MIS18BP1: variants seen among roughly 807,000 people sequenced by gnomAD.
The protein encoded by MIS18BP1 is mis18-binding protein 1.
Under a neutral mutation model 116.1 loss-of-function variants are expected in MIS18BP1, and 72 were observed. The ratio of observed to expected loss-of-function variants is 0.62; its 90% CI spans 0.51 to 0.75. MIS18BP1 has a LOEUF of 0.75. Ranked by LOEUF, MIS18BP1 falls within the 30% of genes least tolerant of loss-of-function variation. MIS18BP1 has a pLI of 0.00. For synonymous variants in MIS18BP1, 386 were observed against 427.0 expected (o/e 0.90, Z 1.18); for missense variants, 1,363 against 1,303.2 (o/e 1.05, Z -0.71).
In MIS18BP1 at chr14:45,247,292, C is replaced by G. The variant is rs1440971954; in HGVS notation, c.-6G>C. 6.5e-7 allele frequency: 1 copy of G among 1,527,484 alleles called. No homozygotes were observed. Among genetic ancestry groups the G allele is most frequent in the Non-Finnish European group, 8.7e-7 (1 of 1,143,698 alleles). The allele number at this position is 1,527,484 out of a possible 1,614,324, so 94.6% of individuals were successfully genotyped here. On this transcript the variant is annotated 5_prime_UTR_variant, in exon 2 of 17. Coordinates refer to ENST00000310806, the MANE Select transcript of MIS18BP1 (RefSeq NM_018353.5). The stretch of plus-strand genomic sequence containing the variant: ...TTCAAAGGTGTTGCAATCATCTTGA[C>G]AAGAAAGTAGCAACCAAGTTCTTCT...
rs752411760 is a variant in MIS18BP1 at position 45,224,697 on chromosome 14, T to A, written c.1890A>T (p.Glu630Asp). 5.0e-6 allele frequency: 8 copies of A among 1,609,164 alleles called. No homozygotes were observed. In the East Asian group the frequency reaches 1.8e-4, roughly 36 times the overall value. Residue 630 changes from glutamate to aspartate, a missense_variant, in exon 11 of 17, where the codon GAA becomes GAT. Physicochemically the swap from Glu to Asp is conservative, Grantham distance 45. Coordinates refer to ENST00000310806, the MANE Select transcript of MIS18BP1 (RefSeq NM_018353.5). The part of the protein sequence containing the change: ...DVSIDILTSR[E>D]QFFSDEERKY... ...TTCTTTCTTCATCTGAGAAAAACTG[T>A]TCCCTTGAGGTTAGAATATCAATGG... is the stretch of plus-strand genomic sequence containing the variant.
intron 13 of MIS18BP1, among the ~76,000 whole-genome samples, chr14:45,210,925 C>T (rs554602687): frequency 6.6e-6 from 1 of 152,290 alleles, no homozygotes; most frequent in Non-Finnish European, 1.5e-5. Flanking sequence ...TGAGGCCACC[C>T]AAGAGATGGC....
intron 13 of MIS18BP1, among the ~76,000 whole-genome samples, chr14:45,216,400 A>C (rs572346756): frequency 6.6e-6 from 1 of 152,282 alleles, no homozygotes; most frequent in Middle Eastern, 3.4e-3. Context: ...CATAAATATA[A>C]TTTACTTTAC....
At chr14:45,210,251 A>G in intron 14 of MIS18BP1, 129 bp downstream of exon 14, 3 of 961,488 alleles carry the variant, frequency 3.1e-6, no homozygotes, top group East Asian at 2.7e-5. Flanking sequence ...ACTTCTAGAA[A>G]CTACACATTC....
At chr14:45,230,786 AT>A (rs1891251960) in intron 8 of MIS18BP1, among the ~76,000 whole-genome samples, 1 of 151,972 alleles carries the variant, frequency 6.6e-6, no homozygotes. Context: ...TGTGTGGCTA[AT>A]TTTTTTGACT....
intron 10 of MIS18BP1, 92 bp downstream of exon 10, chr14:45,226,651 G>A (rs1172722891): frequency 2.9e-6 from 3 of 1,034,756 alleles, no homozygotes; most frequent in African/African-American, 3.4e-5. Context: ...CATTTTACAT[G>A]AGGAAATTTA....
Position 45,231,195 on chromosome 14 carries a change from T to G in MIS18BP1, c.1540A>C (p.Thr514Pro), listed in dbSNP as rs1287508009. The G allele has an allele frequency of 6.2e-7, 1 of 1,613,990 alleles. No individual in the cohort carries two copies. Reference protein sequence around the residue: ...SMKNDARENQTDTAQRATTTY... With the variant: ...SMKNDARENQPDTAQRATTTY... Reference sequence around the variant, plus strand: ...GTGGTGGCTCTTTGAGCAGTATCTGTTTGGTTTTCTCGTGCATCATTTTTC... The same window carrying G: ...GTGGTGGCTCTTTGAGCAGTATCTGGTTGGTTTTCTCGTGCATCATTTTTC... Residue 514 changes from threonine (T) to proline (P), a missense_variant, in exon 8 of 17, where the codon ACA (threonine) becomes CCA (proline). Physicochemically the swap from Thr to Pro is conservative, Grantham distance 38. Transcript: ENST00000310806.
intron 2 of MIS18BP1, among the ~76,000 whole-genome samples, chr14:45,246,389 C>A (rs936086217): frequency 2.0e-5 from 3 of 152,162 alleles, no homozygotes; most frequent in African/African-American, 7.2e-5. Flanking sequence ...TCATCCTTCC[C>A]CATTCCTCAA....
chr14:45,243,758 T>A (rs568052716), intron 2 of MIS18BP1, among the ~76,000 whole-genome samples: 1 of 152,144 alleles, frequency 6.6e-6, no homozygotes, highest in Non-Finnish European at 1.5e-5. Context: ...AATTCAGTAG[T>A]AATTCAATCA....
chr14:45,227,791 C>T lies in MIS18BP1; in HGVS notation c.1618G>A (p.Glu540Lys). 1 of 1,614,030 alleles carries T rather than the reference C, an allele frequency of 6.2e-7. No homozygotes were observed. The highest frequency in any genetic ancestry group is 8.5e-7 in the Non-Finnish European group (1 of 1,179,946). Residue 540 changes from glutamate (E) to lysine (K), a missense_variant, in exon 9 of 17, where the codon GAG (glutamate) becomes AAG (lysine). Coordinates refer to ENST00000310806, the MANE Select transcript of MIS18BP1 (RefSeq NM_018353.5). ...TTTAATTCTGTAGCTCCTGGTGACT[C>T]ACTGTGCTTATTACTCTTCAGTTCT... Reference protein sequence around the residue: ...NLELKSNKHSESPGATELNMC... With the variant: ...NLELKSNKHSKSPGATELNMC...
chr14:45,232,710 A>G (rs1891322562), intron 7 of MIS18BP1, 23 bp downstream of exon 7: 1 of 1,278,002 alleles, frequency 7.8e-7, no homozygotes, highest in Non-Finnish European at 1.1e-6. Context: ...GTTGACTTCT[A>G]AAAACATAAA....
At chr14:45,208,905 C>G (rs910005563) in intron 14 of MIS18BP1, among the ~76,000 whole-genome samples, 1 of 152,130 alleles carries the variant, frequency 6.6e-6, no homozygotes, top group East Asian at 1.9e-4. Flanking sequence ...CAGCAATGGC[C>G]TCTTACTTGC....
chr14:45,222,299 A>C (rs939495215), intron 11 of MIS18BP1, among the ~76,000 whole-genome samples: 14 of 151,726 alleles, frequency 9.2e-5, no homozygotes, highest in African/African-American at 3.4e-4. Context: ...AAAATCCTCC[A>C]CTTCTCTTCT....
chr14:45,241,952 TAATG>T, intron 4 of MIS18BP1, 78 bp downstream of exon 4: 1 of 1,423,916 alleles, frequency 7.0e-7, no homozygotes, highest in Non-Finnish European at 9.5e-7. Flanking sequence ...AGAAAAAAAA[TAATG>T]AGAGAACATT....
intron 8 of MIS18BP1, among the ~76,000 whole-genome samples, chr14:45,229,092 C>G (rs1217715920): frequency 6.7e-6 from 1 of 148,994 alleles, no homozygotes; most frequent in African/African-American, 2.5e-5. Flanking sequence ...GCAATCATAA[C>G]AGAATATATT....
chr14:45,247,068 ATT>A lies in MIS18BP1; in HGVS notation c.217_218del (p.Asn73TyrfsTer14), dbSNP rs1487870017. The A allele has an allele frequency of 1.6e-5, 25 of 1,612,836 alleles. No homozygotes were observed. Among genetic ancestry groups the A allele is most frequent in the Non-Finnish European group, 2.1e-5 (25 of 1,179,646 alleles). On this transcript the variant is annotated frameshift_variant, in exon 2 of 17. Coordinates refer to ENST00000310806, the MANE Select transcript of MIS18BP1 (RefSeq NM_018353.5). LOFTEE classifies it high-confidence loss of function. ...CTGTTAGCATAGTTGATTGAAATAT[ATT>A]TTTATTGTTAAAAGTTGTCATTTTT... ...FLKMTTFNNK[N>X]IFQSTMLTEA...
At chr14:45,234,534 C>T (rs184963998) in intron 6 of MIS18BP1, among the ~76,000 whole-genome samples, 1 of 152,272 alleles carries the variant, frequency 6.6e-6, no homozygotes, top group East Asian at 1.9e-4. Flanking sequence ...GATTGTTCCT[C>T]TTGCTCAGGT....
rs143037529 is a variant in MIS18BP1 at position 45,233,895 on chromosome 14, T to C, written c.1349-1075A>G. ...GGGTACTAAGGGGAGAGGTCTTGGT[T>C]TGAGATATAAAATTGGCATTCATCA... On this transcript the variant is annotated intron_variant, in intron 6 of 16. Coordinates refer to ENST00000310806, the MANE Select transcript of MIS18BP1 (RefSeq NM_018353.5). Among the ~76,000 whole-genome samples, 434 of 152,194 alleles carry C rather than the reference T, an allele frequency of 2.9e-3. 2 individuals carry two copies. The highest frequency in any genetic ancestry group is 3.8e-3 in the Non-Finnish European group (256 of 67,978).
At chr14:45,244,563 C>T (rs943979341) in intron 2 of MIS18BP1, among the ~76,000 whole-genome samples, 1 of 152,120 alleles carries the variant, frequency 6.6e-6, no homozygotes, top group African/African-American at 2.4e-5. Flanking sequence ...AAATCCAACT[C>T]CCCCCAATTC....
Sources: allele counts gnomAD v4.1 joint callset (sites outside exome capture counted in the v4.1 genomes callset), GRCh38; gene constraint gnomAD v4.1.1; transcripts MANE v1.5; gene names NCBI Gene and HGNC (gene_info 2026-07-23, HGNC 2026-07-21).